Variants in PIP5K1B observed in about 807,000 individuals in gnomAD.
The protein encoded by PIP5K1B is phosphatidylinositol 4-phosphate 5-kinase type-1 beta.
In PIP5K1B, 42 loss-of-function variants were observed where a neutral mutation model predicts 67.0. That is an observed-to-expected ratio of 0.63 (90% CI 0.49 to 0.81). PIP5K1B has a LOEUF of 0.81. Ranked by LOEUF, PIP5K1B falls within the 30% of genes least tolerant of loss-of-function variation. PIP5K1B has a pLI of 0.00. For missense variants in PIP5K1B, 459 were observed against 646.3 expected, an observed-to-expected ratio of 0.71 and a Z score of 3.14; for synonymous variants, 214 against 231.4, an observed-to-expected ratio of 0.92 and a Z score of 0.68.
At chr9:68,903,155 TG>T (rs1247539537) in intron 8 of PIP5K1B, among the ~76,000 whole-genome samples, 1 of 152,220 alleles carries the variant, frequency 6.6e-6, no homozygotes, top group Non-Finnish European at 1.5e-5. Flanking sequence ...ATCTGCTCTG[TG>T]GGAACTGTGG....
intron 12 of PIP5K1B, among the ~76,000 whole-genome samples, chr9:68,933,010 G>T (rs1259407116): frequency 6.6e-6 from 1 of 151,734 alleles, no homozygotes; most frequent in Admixed American, 6.6e-5. Context: ...TGAGGCAGGA[G>T]AATTGCTTGA....
At chr9:68,935,544 C>A (rs1417709506) in intron 13 of PIP5K1B, among the ~76,000 whole-genome samples, 1 of 152,302 alleles carries the variant, frequency 6.6e-6, no homozygotes, top group East Asian at 1.9e-4. Flanking sequence ...ATAAAAAATA[C>A]AATTTATGGT....
intron 14 of PIP5K1B, among the ~76,000 whole-genome samples, chr9:68,944,641 G>C (rs1231644199): frequency 1.3e-5 from 2 of 152,146 alleles, no homozygotes; most frequent in Non-Finnish European, 2.9e-5. Context: ...AATTGGCAAA[G>C]GCTCCCTAAA....
chr9:68,920,773 GTC>G (rs895402747), intron 11 of PIP5K1B, among the ~76,000 whole-genome samples: 7 of 147,286 alleles, frequency 4.8e-5, no homozygotes, highest in East Asian at 2.0e-4. Context: ...CTGTCTCTCT[GTC>G]TCTCTCTCTC....
chr9:68,753,926 C>G (rs12005775), intron 2 of PIP5K1B, among the ~76,000 whole-genome samples: 19,153 of 152,122 alleles, frequency 0.13, 1,377 homozygotes, highest in Non-Finnish European at 0.16. Context: ...TCCCAAAGTG[C>G]TGGGATTACA....
intron 14 of PIP5K1B, among the ~76,000 whole-genome samples, chr9:68,990,071 G>A (rs1391394222): frequency 6.6e-6 from 1 of 152,184 alleles, no homozygotes; most frequent in Non-Finnish European, 1.5e-5. Flanking sequence ...CTTCTCTTCA[G>A]ATGACTCTCC....
At chr9:68,954,988 A>T (rs1828311917) in intron 14 of PIP5K1B, among the ~76,000 whole-genome samples, 1 of 152,222 alleles carries the variant, frequency 6.6e-6, no homozygotes, top group African/African-American at 2.4e-5. Flanking sequence ...CCCTTGAGAG[A>T]CTATAATATT....
chr9:68,865,634 C>T (rs1383291264), intron 5 of PIP5K1B, among the ~76,000 whole-genome samples: 1 of 152,204 alleles, frequency 6.6e-6, no homozygotes, highest in Non-Finnish European at 1.5e-5. Flanking sequence ...TCTTCTACTT[C>T]CAGTGTCCAA....
intron 15 of PIP5K1B, among the ~76,000 whole-genome samples, chr9:68,994,801 G>A (rs900915971): frequency 3.3e-5 from 5 of 151,952 alleles, no homozygotes; most frequent in South Asian, 2.1e-4. Context: ...CTCATTAATC[G>A]TTTCCCTTGA....
At chr9:68,926,181 G>A (rs1587677571) in intron 12 of PIP5K1B, among the ~76,000 whole-genome samples, 1 of 152,208 alleles carries the variant, frequency 6.6e-6, no homozygotes, top group East Asian at 1.9e-4. Context: ...TGCAGCCCCT[G>A]GTGCGTTTTG....
intron 11 of PIP5K1B, among the ~76,000 whole-genome samples, chr9:68,919,972 C>G (rs1478232598): frequency 1.3e-5 from 2 of 152,164 alleles, no homozygotes; most frequent in Non-Finnish European, 2.9e-5. Flanking sequence ...ATATCTGTGT[C>G]TATGTGAAAT....
intron 1 of PIP5K1B, among the ~76,000 whole-genome samples, chr9:68,740,638 C>G (rs1828958987): frequency 6.6e-6 from 1 of 152,198 alleles, no homozygotes; most frequent in Non-Finnish European, 1.5e-5. Context: ...ATCACTGGGG[C>G]TCCTTTAGCA....
intron 2 of PIP5K1B, among the ~76,000 whole-genome samples, chr9:68,768,287 C>T (rs988350993): frequency 2.6e-5 from 4 of 152,178 alleles, no homozygotes; most frequent in African/African-American, 9.7e-5. Flanking sequence ...TGGATGTATA[C>T]ATGATTTGAA....
chr9:68,922,308 C>CA (rs1826444345), intron 11 of PIP5K1B, among the ~76,000 whole-genome samples: 1 of 151,834 alleles, frequency 6.6e-6, no homozygotes, highest in Admixed American at 6.6e-5. Context: ...ACTAAAAATA[C>CA]AAAAATTAGC....
At chr9:68,781,268 TTTA>T in intron 2 of PIP5K1B, 1 of 510,572 alleles carries the variant, frequency 2.0e-6, no homozygotes, top group Non-Finnish European at 3.6e-6. Context: ...AGCATACATC[TTTA>T]CGCTGCTAAT....
intron 14 of PIP5K1B, chr9:68,966,580 G>A (rs1377336890): frequency 2.6e-5 from 4 of 152,130 alleles, no homozygotes; most frequent in Non-Finnish European, 4.4e-5. Flanking sequence ...GAACTGTCAA[G>A]GTCATCAAAA....
chr9:68,977,908 A>C (rs1461640397), intron 14 of PIP5K1B, among the ~76,000 whole-genome samples: 3 of 151,980 alleles, frequency 2.0e-5, no homozygotes, highest in Non-Finnish European at 4.4e-5. Context: ...TGGCCTCCCA[A>C]AGTGCTGGGA....
At chr9:68,922,028 A>G (rs1826431321) in intron 11 of PIP5K1B, among the ~76,000 whole-genome samples, 1 of 152,210 alleles carries the variant, frequency 6.6e-6, no homozygotes, top group African/African-American at 2.4e-5. Context: ...ACTTCTCTTT[A>G]TAGGCAACGG....
rs1161585052 is a variant in PIP5K1B, at chr9:68,705,480, GGC to G, written c.-516_-515del. ...AAGCGGGGACACACACACTCGCCGC[GGC>G]GCGCGCGCACTGCACACTCGTAGCC... On this transcript the variant is annotated 5_prime_UTR_variant, in exon 1 of 16. Transcript: ENST00000265382. 5 of 151,304 alleles carry G rather than the reference GGC, an allele frequency of 3.3e-5. No homozygotes were observed. The highest frequency in any genetic ancestry group is 6.6e-5 in the Admixed American group (1 of 15,156). The allele number at this position is 151,304 out of a possible 1,614,324, so 9.4% of individuals were successfully genotyped here. A position where few individuals can be genotyped will look rare whatever the true frequency, so the allele number is the denominator to read the frequency against.
Sources: allele counts gnomAD v4.1 joint callset (sites outside exome capture counted in the v4.1 genomes callset), GRCh38; gene constraint gnomAD v4.1.1; transcripts MANE v1.5; gene names NCBI Gene and HGNC (gene_info 2026-07-23, HGNC 2026-07-21).